DOCK4: variants seen among roughly 807,000 people sequenced by gnomAD.
DOCK4 encodes dedicator of cytokinesis protein 4.
In DOCK4, 97 loss-of-function variants were observed where a neutral mutation model predicts 268.1. That is an observed-to-expected ratio of 0.36 (90% CI 0.31 to 0.43). The LOEUF is 0.43. Ranked by LOEUF, DOCK4 falls within the 20% of genes least tolerant of loss-of-function variation. The pLI is 1.00. For synonymous variants in DOCK4, 954 were observed against 887.2 expected, an observed-to-expected ratio of 1.08 and a Z score of -1.34; for missense variants, 2,145 against 2,455.7, an observed-to-expected ratio of 0.87 and a Z score of 2.67.
chr7:111,850,565 A>G (rs2134112809), intron 23 of DOCK4, among the ~76,000 whole-genome samples: 2 of 152,300 alleles, frequency 1.3e-5, no homozygotes, highest in Middle Eastern at 6.8e-3. Context: ...GGCCTGAAGC[A>G]ACTGAAGAAC....
intron 1 of DOCK4, among the ~76,000 whole-genome samples, chr7:112,080,345 C>T (rs1027572786): frequency 3.9e-5 from 6 of 152,016 alleles, no homozygotes; most frequent in South Asian, 2.1e-4. Context: ...ATAATTTATT[C>T]GCTAACTTTA....
rs1803959668 is a variant in DOCK4 at position 112,037,855 on chromosome 7, C to A, written c.38-33724G>T. On this transcript the variant is annotated intron_variant, in intron 1 of 52. Coordinates refer to ENST00000428084, the MANE Select transcript of DOCK4 (RefSeq NM_001363540.2). ...GGTCTATATCATTTTACATTTCCAC[C>A]AGGACTGTATGAAAGTTCCAGTTGC... 2.0e-5 allele frequency among the ~76,000 whole-genome samples: 3 copies of A among 152,046 alleles called. No individual in the cohort carries two copies. The South Asian group carries it at 6.2e-4, about 31-fold the overall frequency.
At chr7:111,926,584 C>T (rs1473650993) in intron 12 of DOCK4, among the ~76,000 whole-genome samples, 4 of 138,706 alleles carry the variant, frequency 2.9e-5, no homozygotes, top group East Asian at 2.2e-4. Flanking sequence ...GCGGGCAAGG[C>T]GGGCAAGGTG....
chr7:111,782,755 C>A, intron 35 of DOCK4, 109 bp downstream of exon 35: 1 of 1,155,128 alleles, frequency 8.7e-7, no homozygotes, highest in African/African-American at 1.5e-5. Context: ...AAAAATAACT[C>A]TTCTAAGAAA....
At chr7:112,130,825 A>G (rs2116095816) in intron 1 of DOCK4, among the ~76,000 whole-genome samples, 1 of 152,378 alleles carries the variant, frequency 6.6e-6, no homozygotes. Flanking sequence ...AACTTTGTTC[A>G]CTGTGGCAGT....
intron 30 of DOCK4, among the ~76,000 whole-genome samples, chr7:111,799,630 C>T (rs2894624): frequency 0.35 from 53,811 of 152,044 alleles, 11,182 homozygotes; most frequent in African/African-American, 0.57. Flanking sequence ...TGTGAAGAAA[C>T]AGAAAATCTT....
At chr7:111,782,386 G>C (rs934931757) in intron 35 of DOCK4, among the ~76,000 whole-genome samples, 4 of 152,160 alleles carry the variant, frequency 2.6e-5, no homozygotes, top group Non-Finnish European at 5.9e-5. Flanking sequence ...AAAAATTAGG[G>C]TGTTAAATAG....
intron 16 of DOCK4, among the ~76,000 whole-genome samples, chr7:111,887,018 T>C (rs1400035452): frequency 6.6e-6 from 1 of 152,178 alleles, no homozygotes; most frequent in African/African-American, 2.4e-5. Context: ...TTTCAATACA[T>C]AAAAGCCTTG....
intron 1 of DOCK4, among the ~76,000 whole-genome samples, chr7:112,012,832 CT>C (rs960128052): frequency 1.8e-4 from 27 of 150,712 alleles, no homozygotes; most frequent in Middle Eastern, 3.4e-3. Context: ...CCCTCTGTTC[CT>C]TTTTTTTTCT....
At chr7:112,035,687 G>A (rs1348757750) in intron 1 of DOCK4, among the ~76,000 whole-genome samples, 2 of 152,016 alleles carry the variant, frequency 1.3e-5, no homozygotes, top group Non-Finnish European at 2.9e-5. Context: ...AATACATGAA[G>A]AATTCAGATA....
intron 23 of DOCK4, among the ~76,000 whole-genome samples, chr7:111,859,562 ATTTTTTT>A (rs140285833): frequency 1.7e-4 from 17 of 102,178 alleles, no homozygotes; most frequent in Non-Finnish European, 2.8e-4. Context: ...GTGTGTGTTA[ATTTTTTT>A]TTTTTTTTTT....
intron 1 of DOCK4, among the ~76,000 whole-genome samples, chr7:112,167,954 A>G (rs1473430162): frequency 6.6e-6 from 1 of 152,190 alleles, no homozygotes; most frequent in African/African-American, 2.4e-5. Flanking sequence ...TCACTTGGAT[A>G]TATAAATACA....
intron 26 of DOCK4, among the ~76,000 whole-genome samples, chr7:111,832,133 G>C (rs575176025): frequency 6.6e-6 from 1 of 152,216 alleles, no homozygotes; most frequent in Non-Finnish European, 1.5e-5. Context: ...ATAAAGGTGG[G>C]GTAGAGAGTG....
At chr7:112,047,033 G>C (rs1318943273) in intron 1 of DOCK4, among the ~76,000 whole-genome samples, 3 of 152,198 alleles carry the variant, frequency 2.0e-5, no homozygotes, top group African/African-American at 7.2e-5. Context: ...TGACTCTGGG[G>C]AAAGAACCAC....
chr7:111,828,194 T>C lies in DOCK4; in HGVS notation c.2836-5738A>G, dbSNP rs144809594. On this transcript the variant is annotated intron_variant, in intron 26 of 52. Coordinates refer to ENST00000428084, the MANE Select transcript of DOCK4 (RefSeq NM_001363540.2). ...TTGTTCATTTTAAAATAATATTATG[T>C]TCTAGAGAAGGAAAAAAACAATACA... is the stretch of plus-strand genomic sequence containing the variant. Among the ~76,000 whole-genome samples the C allele has an allele frequency of 3.2e-3, 493 of 152,276 alleles. 3 individuals are homozygous for C. Among genetic ancestry groups the C allele is most frequent in the African/African-American group, 0.011 (463 of 41,554 alleles).
intron 23 of DOCK4, among the ~76,000 whole-genome samples, chr7:111,855,245 G>A (rs1439372293): frequency 6.6e-6 from 1 of 152,134 alleles, no homozygotes; most frequent in Non-Finnish European, 1.5e-5. Flanking sequence ...CTAATAGATG[G>A]GTGGTGAAAG....
chr7:112,126,613 C>G (rs151224471), intron 1 of DOCK4, among the ~76,000 whole-genome samples: 8,647 of 152,134 alleles, frequency 0.057, 327 homozygotes, highest in East Asian at 0.13. Context: ...CCATCAGAGT[C>G]AACAGGCAAC....
At chr7:112,177,741 CAG>C (rs966814062) in intron 1 of DOCK4, among the ~76,000 whole-genome samples, 1 of 150,604 alleles carries the variant, frequency 6.6e-6, no homozygotes, top group African/African-American at 2.5e-5. Flanking sequence ...TTTTTTTTAA[CAG>C]AAATTTGAAA....
intron 1 of DOCK4, among the ~76,000 whole-genome samples, chr7:112,062,412 G>C (rs1370915441): frequency 6.6e-6 from 1 of 152,156 alleles, no homozygotes; most frequent in South Asian, 2.1e-4. Flanking sequence ...TAAAAATAAA[G>C]CTAATTTCTT....
Sources: allele counts gnomAD v4.1 joint callset (sites outside exome capture counted in the v4.1 genomes callset), GRCh38; gene constraint gnomAD v4.1.1; transcripts MANE v1.5; gene names NCBI Gene and HGNC (gene_info 2026-07-23, HGNC 2026-07-21).